TCP11L2: variants seen among roughly 807,000 people sequenced by gnomAD.
TCP11L2 encodes T-complex protein 11-like protein 2.
Under a neutral mutation model 50.7 loss-of-function variants are expected in TCP11L2, and 39 were observed. The observed-to-expected ratio is 0.77, with a 90% CI of 0.60 to 1.01. TCP11L2 has a LOEUF of 1.01. TCP11L2 is among the 50% of genes least tolerant of loss of function. TCP11L2 has a pLI of 0.00. For missense variants in TCP11L2, 612 were observed against 614.7 expected (o/e 1.00, Z 0.05); for synonymous variants, 192 against 219.3 (o/e 0.88, Z 1.10).
intron 6 of TCP11L2, among the ~76,000 whole-genome samples, chr12:106,330,628 C>T (rs1262371511): frequency 6.6e-6 from 1 of 152,162 alleles, no homozygotes; most frequent in East Asian, 1.9e-4. Context: ...CCATCTTATG[C>T]TCCAGGAAAA....
At chr12:106,303,504 T>G (rs1354135659) in intron 1 of TCP11L2, 1 of 152,390 alleles carries the variant, frequency 6.6e-6, no homozygotes, top group Non-Finnish European at 1.5e-5. Flanking sequence ...GGTGAGGTCG[T>G]GCAGACTGCT....
At position 106,318,481 on chromosome 12, in the gene TCP11L2, T is replaced by A. The variant is rs756289557; in HGVS notation, c.414+17T>A. 4 of 1,612,520 alleles carry A rather than the reference T, an allele frequency of 2.5e-6. No homozygotes were observed. The highest frequency in any genetic ancestry group is 3.4e-6 in the Non-Finnish European group (4 of 1,178,942). ...ATCAGAGAGGCAAGTTGCTTTGTTG[T>A]CTGTGTCAGTTAGCGTCTTACTCCA... On this transcript the variant is annotated intron_variant, in intron 4 of 9. Coordinates refer to ENST00000299045, the MANE Select transcript of TCP11L2 (RefSeq NM_152772.3).
chr12:106,300,590 A>C (rs192213171), upstream of TCP11L2, among the ~76,000 whole-genome samples: 99 of 152,290 alleles, frequency 6.5e-4, no homozygotes, highest in Admixed American at 4.2e-3. Context: ...TCGGCCTCCC[A>C]AAGTGCTTGG....
At position 106,314,503 on chromosome 12, in the gene TCP11L2, G is replaced by T; in HGVS notation, c.293+10G>T. On this transcript the variant is annotated intron_variant, in intron 3 of 9. Transcript: ENST00000299045. ...CTCTCCCAGAAAAGAGGTAACCTGG[G>T]GGCATTTGTTGTATATAAACTGCTG... 6.2e-7 allele frequency: 1 copy of T among 1,609,218 alleles called. No individual in the cohort carries two copies. Among genetic ancestry groups the T allele is most frequent in the Non-Finnish European group, 8.5e-7 (1 of 1,177,132 alleles).
chr12:106,321,457 G>A (rs545817655), intron 4 of TCP11L2, 29 bp from the exon 5 acceptor site: 8 of 1,559,738 alleles, frequency 5.1e-6, no homozygotes, highest in Middle Eastern at 1.7e-4. Flanking sequence ...ACATCATGAT[G>A]CTGTTAATTT....
In TCP11L2 at chr12:106,321,474, C is replaced by G. The variant is rs371083476; in HGVS notation, c.415-12C>G. ...ATCATGATGCTGTTAATTTTTATTT[C>G]TTTCCCTGTAGATTCTTCTCTCTTT... On this transcript the variant is annotated splice_polypyrimidine_tract_variant and intron_variant, in intron 4 of 9. Transcript: ENST00000299045. 4 of 1,600,264 alleles carry G rather than the reference C, an allele frequency of 2.5e-6. No individual in the cohort carries two copies. The highest frequency in any genetic ancestry group is 1.6e-4 in the Middle Eastern group (1 of 6,062).
intron 3 of TCP11L2, among the ~76,000 whole-genome samples, chr12:106,315,347 G>A (rs1592939584): frequency 6.6e-6 from 1 of 152,108 alleles, no homozygotes; most frequent in Non-Finnish European, 1.5e-5. Flanking sequence ...TTCTGACATT[G>A]GTGAACCCCC....
intron 2 of TCP11L2, chr12:106,312,420 C>T (rs1465878402): frequency 7.4e-6 from 9 of 1,221,886 alleles, no homozygotes; most frequent in Middle Eastern, 2.3e-4. Flanking sequence ...AAGAAATTAA[C>T]AGCAGCCACC....
At chr12:106,312,494 G>GT (rs2034900110) in intron 2 of TCP11L2, 1 of 956,004 alleles carries the variant, frequency 1.0e-6, no homozygotes, top group African/African-American at 1.8e-5. Flanking sequence ...CTGACACCAG[G>GT]GTACCTAGGC....
At chr12:106,298,389 A>T (rs1292326157), upstream of TCP11L2, among the ~76,000 whole-genome samples, 1 of 152,072 alleles carries the variant, frequency 6.6e-6, no homozygotes, top group African/African-American at 2.4e-5. Flanking sequence ...AGCCAAATTC[A>T]TTTTCTTCTT....
intron 3 of TCP11L2, among the ~76,000 whole-genome samples, chr12:106,315,361 A>G (rs1342525487): frequency 6.6e-6 from 1 of 152,170 alleles, no homozygotes; most frequent in Non-Finnish European, 1.5e-5. Flanking sequence ...AACCCCCTAG[A>G]CTACAATTAA....
At chr12:106,325,289 G>A (rs944623476) in intron 6 of TCP11L2, 2 of 152,268 alleles carry the variant, frequency 1.3e-5, no homozygotes, top group Admixed American at 6.5e-5. Context: ...TACCTAGGGG[G>A]AGTGAGTGTG....
rs201676088 is a variant in TCP11L2, at chr12:106,329,599, C to CT, written c.772+5960dup. The CT allele has an allele frequency of 1.4e-4, 185 of 1,359,102 alleles. 1 individual carries two copies. The highest frequency in any genetic ancestry group is 1.3e-3 in the South Asian group (69 of 54,298). The allele number at this position is 1,359,102 out of a possible 1,614,324, so 84.2% of individuals were successfully genotyped here. A position where few individuals can be genotyped will look rare whatever the true frequency, so the allele number is the denominator to read the frequency against. The stretch of plus-strand genomic sequence containing the variant: ...TCTCCAGGAGCTGTGCCCATGAACT[C>CT]TTTTTTTCCTTTTTAAAGCTCCCCA... On this transcript the variant is annotated intron_variant, in intron 6 of 9. Coordinates refer to ENST00000299045, the MANE Select transcript of TCP11L2 (RefSeq NM_152772.3).
intron 2 of TCP11L2, 119 bp from the exon 3 acceptor site, chr12:106,314,239 G>T: frequency 9.5e-7 from 1 of 1,053,012 alleles, no homozygotes; most frequent in Non-Finnish European, 1.4e-6. Flanking sequence ...ATAGTCTCCT[G>T]ACCTATAAAA....
At chr12:106,311,318 G>A in intron 2 of TCP11L2, 86 bp downstream of exon 2, 2 of 1,454,930 alleles carry the variant, frequency 1.4e-6, no homozygotes, top group Non-Finnish European at 1.9e-6. Flanking sequence ...ACGCCTGAGA[G>A]CAACAGACTT....
chr12:106,346,347 GC>G lies in TCP11L2; in HGVS notation c.1379del (p.Pro460LeufsTer7). On this transcript the variant is annotated frameshift_variant, in exon 10 of 10. Coordinates refer to ENST00000299045, the MANE Select transcript of TCP11L2 (RefSeq NM_152772.3). LOFTEE classifies it high-confidence loss of function. ...GTCTTCCAAGCCCTCAAAAATGCAT[GC>G]CTCCTATGCCAGGAGGCCTAGCTGT... ...LCLPSPQKCM[P>X]PMPGGLAVIQ... 1.2e-6 allele frequency: 2 copies of G among 1,614,016 alleles called. No individual in the cohort carries two copies. Among genetic ancestry groups the G allele is most frequent in the South Asian group, 2.2e-5 (2 of 91,076 alleles).
chr12:106,301,067 T>C (rs2136565839), upstream of TCP11L2, among the ~76,000 whole-genome samples: 1 of 152,250 alleles, frequency 6.6e-6, no homozygotes, highest in South Asian at 2.1e-4. Flanking sequence ...GTTTTTAGGG[T>C]GGTGATGGCA....
chr12:106,323,575 G>C lies in TCP11L2; in HGVS notation c.701G>C (p.Arg234Thr), dbSNP rs766458271. Residue 234 changes from arginine (R) to threonine (T), a missense_variant, in exon 6 of 10, where the codon AGA (arginine) becomes ACA (threonine). By Grantham distance (71) the Arg-to-Thr change is moderately conservative. Coordinates refer to ENST00000299045, the MANE Select transcript of TCP11L2 (RefSeq NM_152772.3). ...DMANFTIMSL[R>T]PHLQRQLVEY... ...GCCAATTTTACAATTATGAGTCTCA[G>C]ACCGCACCTTCAACGCCAGTTGGTG... The C allele has an allele frequency of 6.2e-7, 1 of 1,609,132 alleles. No individual in the cohort carries two copies. Among genetic ancestry groups the C allele is most frequent in the Non-Finnish European group, 8.5e-7 (1 of 1,177,886 alleles).
chr12:106,301,387 A>G (rs2034410057), upstream of TCP11L2, among the ~76,000 whole-genome samples: 1 of 152,230 alleles, frequency 6.6e-6, no homozygotes, highest in Non-Finnish European at 1.5e-5. Context: ...TAAGCACTTC[A>G]CATGCTTTAT....
Sources: allele counts gnomAD v4.1 joint callset (sites outside exome capture counted in the v4.1 genomes callset), GRCh38; gene constraint gnomAD v4.1.1; transcripts MANE v1.5; gene names NCBI Gene and HGNC (gene_info 2026-07-23, HGNC 2026-07-21).